SYT14: variants seen among roughly 807,000 people sequenced by gnomAD.
The protein encoded by SYT14 is synaptotagmin-14.
Under a neutral mutation model 74.2 loss-of-function variants are expected in SYT14, and 32 were observed. The ratio of observed to expected loss-of-function variants is 0.43; its 90% CI spans 0.33 to 0.58. The LOEUF is 0.58. Among genes scored for constraint, SYT14 ranks in the 20% least tolerant of loss-of-function variants. The pLI, the probability that SYT14 is intolerant of heterozygous loss-of-function variation, is 0.05. For missense variants in SYT14, 791 were observed against 981.8 expected, an observed-to-expected ratio of 0.81 and a Z score of 2.60; for synonymous variants, 298 against 337.7, an observed-to-expected ratio of 0.88 and a Z score of 1.29.
chr1:209,974,044 T>A (rs2079310842), intron 2 of SYT14, among the ~76,000 whole-genome samples: 1 of 152,148 alleles, frequency 6.6e-6, no homozygotes, highest in Admixed American at 6.5e-5. Context: ...CTTCGCCCAC[T>A]TTTTGATGGG....
In SYT14 at chr1:210,050,497, T is replaced by C. The variant is rs145239734; in HGVS notation, c.1312+29243T>C. Among the ~76,000 whole-genome samples, 1,197 of 152,338 alleles carry C rather than the reference T, an allele frequency of 7.9e-3. 21 individuals are homozygous for C. Among genetic ancestry groups the C allele is most frequent in the African/African-American group, 0.027 (1,143 of 41,576 alleles). ...TTTGCCTGTTACCCAGTTCTAAAGT[T>C]GCTTCCACATTTTTGGTTATCTTTT... On this transcript the variant is annotated intron_variant, in intron 5 of 9. Transcript: ENST00000637265.
chr1:210,091,742 C>A (rs1037628289), intron 5 of SYT14, among the ~76,000 whole-genome samples: 2 of 152,164 alleles, frequency 1.3e-5, no homozygotes, highest in Non-Finnish European at 2.9e-5. Context: ...CTACTCTTTT[C>A]CATATAGATA....
At chr1:210,099,549 T>A (rs892770997) in intron 6 of SYT14, among the ~76,000 whole-genome samples, 1 of 152,152 alleles carries the variant, frequency 6.6e-6, no homozygotes, top group African/African-American at 2.4e-5. Context: ...TGGGGGTGTT[T>A]TAGAACAATC....
At chr1:210,143,126 TC>T (rs1047690448) in intron 7 of SYT14, among the ~76,000 whole-genome samples, 1 of 152,142 alleles carries the variant, frequency 6.6e-6, no homozygotes, top group African/African-American at 2.4e-5. Context: ...TGAGATACTA[TC>T]CGGAGGAAAA....
At chr1:209,984,290 T>C (rs2079536854) in intron 2 of SYT14, among the ~76,000 whole-genome samples, 1 of 152,228 alleles carries the variant, frequency 6.6e-6, no homozygotes, top group South Asian at 2.1e-4. Flanking sequence ...GGTAGCTGTT[T>C]TGTGCATACT....
intron 2 of SYT14, chr1:209,953,177 C>G (rs2078939476): frequency 7.8e-7 from 1 of 1,288,104 alleles, no homozygotes; most frequent in African/African-American, 1.5e-5. Context: ...ACCACAACAT[C>G]CTTTGACACC....
intron 5 of SYT14, among the ~76,000 whole-genome samples, chr1:210,058,456 A>G (rs759600720): frequency 1.3e-5 from 2 of 152,220 alleles, no homozygotes; most frequent in African/African-American, 2.4e-5. Context: ...CATGGAAAAT[A>G]GAGGAGGCAA....
At chr1:210,167,122 G>T (rs1398192174) in exon 10 of SYT14, 5 of 152,128 alleles carry the variant, frequency 3.3e-5, no homozygotes, top group African/African-American at 1.2e-4. Flanking sequence ...AGTGAAGAAT[G>T]GGGAGGTATT....
intron 1 of SYT14, among the ~76,000 whole-genome samples, chr1:209,941,049 C>A (rs556607557): frequency 6.6e-6 from 1 of 152,294 alleles, no homozygotes; most frequent in Admixed American, 6.5e-5. Context: ...TTGAACTGAA[C>A]AGATCGTTTA....
intron 2 of SYT14, among the ~76,000 whole-genome samples, chr1:209,991,103 A>G (rs187040650): frequency 6.6e-6 from 1 of 152,230 alleles, no homozygotes; most frequent in East Asian, 1.9e-4. Flanking sequence ...CTGGACTCCT[A>G]ACTCTCACCA....
exon 7 of SYT14, chr1:210,100,248 G>A (rs559975576): frequency 6.2e-7 from 1 of 1,614,116 alleles, no homozygotes; most frequent in South Asian, 1.1e-5. Flanking sequence ...CCAGCATCCA[G>A]AGAGGACCAT....
At chr1:210,132,764 CAG>C (rs1004323241) in intron 7 of SYT14, among the ~76,000 whole-genome samples, 16 of 152,168 alleles carry the variant, frequency 1.1e-4, no homozygotes, top group African/African-American at 2.7e-4. Flanking sequence ...AGATTAAAGA[CAG>C]AGAAACTGAG....
At chr1:209,967,085 A>T (rs2079168635) in intron 2 of SYT14, among the ~76,000 whole-genome samples, 1 of 152,204 alleles carries the variant, frequency 6.6e-6, no homozygotes, top group Non-Finnish European at 1.5e-5. Flanking sequence ...TACTGATATC[A>T]TATGATTTTA....
chr1:210,045,442 A>G (rs1349510394), intron 5 of SYT14, among the ~76,000 whole-genome samples: 1 of 152,164 alleles, frequency 6.6e-6, no homozygotes, highest in Non-Finnish European at 1.5e-5. Flanking sequence ...TTAATGGAGG[A>G]CATATTCTTT....
At chr1:209,963,093 C>T (rs1238562526) in intron 2 of SYT14, among the ~76,000 whole-genome samples, 1 of 152,148 alleles carries the variant, frequency 6.6e-6, no homozygotes, top group Non-Finnish European at 1.5e-5. Flanking sequence ...TTATTGCTAC[C>T]GGAACAGAAA....
intron 7 of SYT14, among the ~76,000 whole-genome samples, chr1:210,149,661 G>A (rs2083119637): frequency 6.6e-6 from 1 of 152,178 alleles, no homozygotes; most frequent in Admixed American, 6.5e-5. Flanking sequence ...AAGAAAAAGT[G>A]ATCATTTTCT....
intron 1 of SYT14, among the ~76,000 whole-genome samples, chr1:209,939,774 A>G (rs2078700260): frequency 6.6e-6 from 1 of 152,248 alleles, no homozygotes; most frequent in African/African-American, 2.4e-5. Flanking sequence ...AGAAAGGTTT[A>G]GGCAGAGCAT....
At chr1:209,994,136 G>T (rs1013093770) in intron 2 of SYT14, among the ~76,000 whole-genome samples, 1 of 152,136 alleles carries the variant, frequency 6.6e-6, no homozygotes, top group Non-Finnish European at 1.5e-5. Flanking sequence ...CCCAGCAATG[G>T]TTCTTAACCA....
At chr1:210,061,965 A>G (rs1053802661) in intron 5 of SYT14, among the ~76,000 whole-genome samples, 12 of 151,656 alleles carry the variant, frequency 7.9e-5, no homozygotes, top group South Asian at 2.1e-4. Context: ...TTTTTTCAAT[A>G]GTGTAAAGAT....
Sources: gnomAD v4.1 joint callset for allele counts (sites outside exome capture counted in the v4.1 genomes callset) on GRCh38, gnomAD v4.1.1 for gene constraint, MANE v1.5 for transcripts, NCBI Gene and HGNC (gene_info 2026-07-23, HGNC 2026-07-21) for gene names.